Variants in SPTB observed in about 807,000 individuals in gnomAD.
SPTB encodes the protein spectrin beta, erythrocytic, also known as spectrin beta chain, erythrocytic.
A neutral mutation model predicts 256.2 loss-of-function variants in SPTB; 45 were observed. The observed-to-expected ratio is 0.18, with a 90% CI of 0.14 to 0.23. SPTB has a LOEUF of 0.23. SPTB is among the 10% of genes least tolerant of loss of function. The pLI, the probability that SPTB is intolerant of heterozygous loss-of-function variation, is 1.00. For synonymous variants in SPTB, 1,231 were observed against 1,243.1 expected, an observed-to-expected ratio of 0.99 and a Z score of 0.21; for missense variants, 2,715 against 3,040.4, an observed-to-expected ratio of 0.89 and a Z score of 2.52.
At chr14:64,838,035 C>G (rs2083552586) in intron 1 of SPTB, among the ~76,000 whole-genome samples, 1 of 152,170 alleles carries the variant, frequency 6.6e-6, no homozygotes, top group African/African-American at 2.4e-5. Context: ...CACAAAGCTA[C>G]AGTCATCAAG....
chr14:64,794,440 C>T, intron 13 of SPTB, 27 bp downstream of exon 13: 1 of 1,614,006 alleles, frequency 6.2e-7, no homozygotes, highest in Non-Finnish European at 8.5e-7. Context: ...TTGGAAGCCT[C>T]AAAAGGGGAG....
intron 14 of SPTB, 142 bp from the exon 15 acceptor site, chr14:64,791,998 G>A (rs1017578402): frequency 2.7e-6 from 3 of 1,109,560 alleles, no homozygotes; most frequent in Non-Finnish European, 3.9e-6. Context: ...GAGGCAGGAG[G>A]AAGAAAACAG....
chr14:64,853,470 T>C lies in SPTB; in HGVS notation c.-52+26322A>G, dbSNP rs1259848046. ...CAGAAGCAAGGAGCAAACAACACTG[T>C]CCCATATCCCAGAGAGCCTTAGTGA... On this transcript the variant is annotated intron_variant, in intron 1 of 35. Coordinates refer to ENST00000644917, the MANE Select transcript of SPTB (RefSeq NM_001355436.2). This position sits in a 1 kb window ranked among gnomAD's most constrained non-coding sequence, Gnocchi z 4.3. Among the ~76,000 whole-genome samples, 2 of 152,126 alleles carry C rather than the reference T, an allele frequency of 1.3e-5. No homozygotes were observed. Among genetic ancestry groups the C allele is most frequent in the African/African-American group, 4.8e-5 (2 of 41,430 alleles).
Position 64,770,996 on chromosome 14 carries a change from C to T in SPTB, c.5687G>A (p.Arg1896Gln), listed in dbSNP as rs147607076. 19 of 1,614,002 alleles carry T rather than the reference C, an allele frequency of 1.2e-5. No homozygotes were observed. The highest frequency in any genetic ancestry group is 6.7e-5 in the African/African-American group (5 of 74,934). Residue 1896 changes from arginine (R) to glutamine (Q), a missense_variant, in exon 27 of 36, where the codon CGG (arginine) becomes CAG (glutamine). Around this residue, in one of 4 missense-constraint regions of SPTB, gnomAD observed 2,239 missense variants for 2,384.4 expected, o/e 0.94. Transcript: ENST00000644917. ...QALLDACAGR[R>Q]TQLVDTADKF... ...ATCCGCCGTGTCCACTAGCTGGGTCCGGCGCCCGGCACAGGCATCGAGCAG... is the reference window on the plus strand; with the variant it reads ...ATCCGCCGTGTCCACTAGCTGGGTCTGGCGCCCGGCACAGGCATCGAGCAG...
At chr14:64,831,112 G>A (rs528689448) in intron 1 of SPTB, among the ~76,000 whole-genome samples, 2 of 152,112 alleles carry the variant, frequency 1.3e-5, no homozygotes, top group Admixed American at 1.3e-4. Flanking sequence ...AAAGCTGGTG[G>A]TGACCCATGC....
chr14:64,783,921 G>C (rs531212070), intron 19 of SPTB, among the ~76,000 whole-genome samples: 42 of 152,330 alleles, frequency 2.8e-4, no homozygotes, highest in African/African-American at 9.9e-4. Flanking sequence ...GCAGGACAGT[G>C]CTGGAGCCCT....
At position 64,795,328 on chromosome 14, in the gene SPTB, A is replaced by G. The variant is rs879202496; in HGVS notation, c.1644+9T>C. The stretch of plus-strand genomic sequence containing the variant: ...GCAGGGCATGGCGGGGGCGGCCCCC[A>G]GGGCCCACCTTGATCTCATCCATCC... On this transcript the variant is annotated intron_variant, in intron 12 of 35. Transcript: ENST00000644917. The surrounding 1 kb of genome is among the most constrained non-coding windows in gnomAD (Gnocchi z 6.5). The G allele has an allele frequency of 6.3e-7, 1 of 1,599,128 alleles. No individual in the cohort carries two copies. Among genetic ancestry groups the G allele is most frequent in the Non-Finnish European group, 8.5e-7 (1 of 1,178,648 alleles).
chr14:64,762,467 C>G (rs911026699), intron 32 of SPTB, among the ~76,000 whole-genome samples: 1 of 152,252 alleles, frequency 6.6e-6, no homozygotes, highest in Non-Finnish European at 1.5e-5. Flanking sequence ...GCAGCAGCAG[C>G]TGGAGCCAGC....
At chr14:64,836,478 G>A (rs989759430) in intron 1 of SPTB, among the ~76,000 whole-genome samples, 19 of 151,896 alleles carry the variant, frequency 1.3e-4, no homozygotes, top group Non-Finnish European at 1.6e-4. Flanking sequence ...TGAGTTTGTG[G>A]GTCTGCTCAA....
At chr14:64,769,492 A>G (rs1482961233) in intron 28 of SPTB, 98 bp downstream of exon 28, 1 of 1,511,704 alleles carries the variant, frequency 6.6e-7, no homozygotes, top group African/African-American at 1.4e-5. Flanking sequence ...AGCTCCTCAG[A>G]AAAGCTGCAG....
At chr14:64,782,609 C>G in intron 19 of SPTB, 56 bp from the exon 20 acceptor site, 11 of 1,608,196 alleles carry the variant, frequency 6.8e-6, no homozygotes, top group Non-Finnish European at 9.3e-6. Flanking sequence ...CTTGGATCAG[C>G]CCTGCTCCTG....
At chr14:64,822,714 C>A (rs2083314890) in intron 2 of SPTB, among the ~76,000 whole-genome samples, 1 of 152,166 alleles carries the variant, frequency 6.6e-6, no homozygotes. Flanking sequence ...AGAGGGCAGG[C>A]CCCACCTGGT....
chr14:64,799,103 G>C (rs1042084621), intron 9 of SPTB, among the ~76,000 whole-genome samples: 1 of 149,986 alleles, frequency 6.7e-6, no homozygotes, highest in African/African-American at 2.5e-5. Context: ...ATGAGTGCAC[G>C]GTTGTGTGTG....
intron 1 of SPTB, among the ~76,000 whole-genome samples, chr14:64,834,457 A>G (rs1387942487): frequency 6.6e-6 from 1 of 150,680 alleles, no homozygotes; most frequent in Non-Finnish European, 1.5e-5. Context: ...CATCGTTTCA[A>G]TCCTGTTGTC....
intron 19 of SPTB, among the ~76,000 whole-genome samples, chr14:64,783,279 C>A (rs1364299289): frequency 1.3e-5 from 2 of 152,122 alleles, no homozygotes; most frequent in Non-Finnish European, 2.9e-5. Flanking sequence ...TCTTGGCTCA[C>A]TGCAACCTCC....
intron 1 of SPTB, among the ~76,000 whole-genome samples, chr14:64,833,965 C>T (rs1351677160): frequency 6.6e-6 from 1 of 152,182 alleles, no homozygotes; most frequent in Non-Finnish European, 1.5e-5. Flanking sequence ...ACCGTGAATT[C>T]ATCATCAATG....
rs1566729697 is a variant in SPTB, at chr14:64,749,497, G to C, written c.6820-24C>G. ...TCCTGCGGGGCGGAGGGTCACGGTG[G>C]AGTCTGGAGGCCCACAGCCCCCCAC... On this transcript the variant is annotated intron_variant, in intron 35 of 35. Transcript: ENST00000644917. This position sits in a 1 kb window ranked among gnomAD's most constrained non-coding sequence, Gnocchi z 4.7. The C allele has an allele frequency of 1.3e-6, 2 of 1,598,088 alleles. No homozygotes were observed. The highest frequency in any genetic ancestry group is 2.2e-5 in the East Asian group (1 of 44,794).
Position 64,749,381 on chromosome 14 carries a change from G to A in SPTB, c.6912C>T (p.Ser2304=). ...CGAGGCTGGCGTCGGGGCCGGAGAGGGAAGGCAGGGGCAGGCTCTGCGCCT... is the reference window on the plus strand; with the variant it reads ...CGAGGCTGGCGTCGGGGCCGGAGAGAGAAGGCAGGGGCAGGCTCTGCGCCT... ...RVKAQSLPLP[S]LSGPDASLGK... Residue 2304 remains serine, a synonymous_variant, in exon 36 of 36, where the codon TCC becomes TCT. Transcript: ENST00000644917. This position sits in a 1 kb window ranked among gnomAD's most constrained non-coding sequence, Gnocchi z 4.7. 6.2e-7 allele frequency: 1 copy of A among 1,610,146 alleles called. No homozygotes were observed. Among genetic ancestry groups the A allele is most frequent in the Non-Finnish European group, 8.5e-7 (1 of 1,179,778 alleles).
intron 1 of SPTB, among the ~76,000 whole-genome samples, chr14:64,879,546 G>A (rs1883007537): frequency 6.6e-6 from 1 of 152,202 alleles, no homozygotes; most frequent in South Asian, 2.1e-4. Context: ...CTAGCACCAA[G>A]TGCCTCGGAC....
Sources: gnomAD v4.1 joint callset for allele counts (sites outside exome capture counted in the v4.1 genomes callset) on GRCh38, gnomAD v4.1.1 for gene constraint, gnomAD v4.1.1 regional missense constraint, Gnocchi (gnomAD v3.1) non-coding constraint, MANE v1.5 for transcripts, NCBI Gene and HGNC (gene_info 2026-07-23, HGNC 2026-07-21) for gene names.